The following VWA3B variants were observed in gnomAD, a reference collection of about 807,000 sequenced individuals.
The protein encoded by VWA3B is von Willebrand factor A domain containing 3B.
VWA3B carries 138 observed loss-of-function variants against 158.3 expected under a neutral mutation model. The ratio of observed to expected loss-of-function variants is 0.87; its 90% CI spans 0.76 to 1.00. The LOEUF (loss-of-function observed/expected upper bound fraction) is 1.00. VWA3B is among the 50% of genes least tolerant of loss of function. The pLI is 0.00. For missense variants in VWA3B, 1,555 were observed against 1,565.1 expected, an observed-to-expected ratio of 0.99 and a Z score of 0.11; for synonymous variants, 596 against 587.3, an observed-to-expected ratio of 1.01 and a Z score of -0.21.
intron 12 of VWA3B, among the ~76,000 whole-genome samples, chr2:98,208,241 A>G (rs554376304): frequency 9.2e-5 from 14 of 152,178 alleles, no homozygotes; most frequent in Middle Eastern, 3.4e-3. Flanking sequence ...CCTTTAACCT[A>G]TCTACGTTGT....
intron 26 of VWA3B, among the ~76,000 whole-genome samples, chr2:98,307,443 T>C (rs1484858367): frequency 6.6e-6 from 1 of 152,238 alleles, no homozygotes; most frequent in East Asian, 1.9e-4. Flanking sequence ...TGGGGAATGC[T>C]GAGAAAGGTA....
rs138805837 is a variant in VWA3B, at chr2:98,190,105, T to G, written c.1466+1976T>G. Reference sequence around the variant, plus strand: ...ATCTAAGATTTTGCTATTTGTTTTCTGTTCCCTTTTTACTGGTTTTTTGCC... The same window carrying G: ...ATCTAAGATTTTGCTATTTGTTTTCGGTTCCCTTTTTACTGGTTTTTTGCC... On this transcript the variant is annotated intron_variant, in intron 10 of 27. Transcript: ENST00000477737. Among the ~76,000 whole-genome samples the G allele has an allele frequency of 2.0e-5, 3 of 152,316 alleles. No homozygotes were observed. The East Asian group carries it at 5.8e-4, about 29-fold the overall frequency.
chr2:98,090,009 A>G (rs1313458129), intron 1 of VWA3B, among the ~76,000 whole-genome samples: 1 of 152,148 alleles, frequency 6.6e-6, no homozygotes, highest in African/African-American at 2.4e-5. Context: ...ACAAAATCTT[A>G]TTAGGGCAGT....
In VWA3B at chr2:98,181,121, A is replaced by G; in HGVS notation, c.1220A>G (p.Tyr407Cys). 6.2e-7 allele frequency: 1 copy of G among 1,614,198 alleles called. No homozygotes were observed. Among genetic ancestry groups the G allele is most frequent in the Non-Finnish European group, 8.5e-7 (1 of 1,180,050 alleles). The change falls in exon 9 of 28, where the codon TAT becomes TGT. Residue 407 changes from tyrosine to cysteine, a missense_variant. Tyr to Cys is a radical substitution (Grantham distance 194). Coordinates refer to ENST00000477737, the MANE Select transcript of VWA3B (RefSeq NM_144992.5). ...TTGAAGGCCCAGAAGCTATCCTTGT[A>G]TGATGTGCTTGCCGACTGCTCTTTC... ...YGLKAQKLSLYDVLADCSFRH... is the reference protein window; with the variant it reads ...YGLKAQKLSLCDVLADCSFRH...
chr2:98,170,411 A>G (rs895146828), intron 8 of VWA3B, among the ~76,000 whole-genome samples: 3 of 152,226 alleles, frequency 2.0e-5, no homozygotes, highest in Non-Finnish European at 2.9e-5. Context: ...TCAAAAGACA[A>G]GGAAATGGCT....
chr2:98,272,570 G>A (rs1253450764), intron 22 of VWA3B, among the ~76,000 whole-genome samples: 2 of 152,096 alleles, frequency 1.3e-5, no homozygotes, highest in African/African-American at 2.4e-5. Flanking sequence ...TGGAGGTTGG[G>A]GGTTGGCGCT....
chr2:98,208,069 G>C (rs1438165201), intron 12 of VWA3B, among the ~76,000 whole-genome samples: 1 of 151,582 alleles, frequency 6.6e-6, no homozygotes, highest in Non-Finnish European at 1.5e-5. Context: ...CACATTTAGG[G>C]TCATTGTCTT....
chr2:98,282,667 G>C (rs550252388), intron 22 of VWA3B, among the ~76,000 whole-genome samples: 1 of 152,094 alleles, frequency 6.6e-6, no homozygotes, highest in South Asian at 2.1e-4. Flanking sequence ...TCAAACTCCT[G>C]GCCTCAAGGG....
At chr2:98,149,073 T>C (rs1052503094) in intron 7 of VWA3B, among the ~76,000 whole-genome samples, 1 of 152,246 alleles carries the variant, frequency 6.6e-6, no homozygotes, top group African/African-American at 2.4e-5. Context: ...TTTTGGGTTT[T>C]GCTCCAAATA....
At chr2:98,154,117 C>T (rs892901055) in intron 7 of VWA3B, among the ~76,000 whole-genome samples, 1 of 152,196 alleles carries the variant, frequency 6.6e-6, no homozygotes, top group African/African-American at 2.4e-5. Flanking sequence ...CAGCCTCGGC[C>T]TCCCAAAGTG....
chr2:98,182,189 C>T (rs998341048), intron 9 of VWA3B, among the ~76,000 whole-genome samples: 1 of 152,212 alleles, frequency 6.6e-6, no homozygotes, highest in Non-Finnish European at 1.5e-5. Context: ...AAGGCCCCCC[C>T]CTCAAATGCA....
the VWA3B span, among the ~76,000 whole-genome samples, chr2:98,323,010 A>G: frequency 2.6e-5 from 4 of 152,224 alleles, no homozygotes; most frequent in Non-Finnish European, 5.9e-5. Context: ...AAAACCCTTA[A>G]GAACACAACA....
At chr2:98,243,726 T>C (rs964453067) in intron 19 of VWA3B, among the ~76,000 whole-genome samples, 14 of 152,232 alleles carry the variant, frequency 9.2e-5, no homozygotes, top group African/African-American at 3.1e-4. Context: ...TTTTGTTCTA[T>C]GGAGCCTGCA....
intron 9 of VWA3B, among the ~76,000 whole-genome samples, chr2:98,181,925 G>T (rs183248323): frequency 1.3e-5 from 2 of 152,236 alleles, no homozygotes; most frequent in South Asian, 2.1e-4. Flanking sequence ...AAGCAGAGAG[G>T]TGTAGAACAG....
chr2:98,318,266 T>C (rs879176720), downstream of VWA3B, among the ~76,000 whole-genome samples: 2 of 152,158 alleles, frequency 1.3e-5, no homozygotes, highest in Non-Finnish European at 2.9e-5. Flanking sequence ...AATACACATG[T>C]ATGTGTATGT....
Position 98,128,294 on chromosome 2 carries a change from T to A in VWA3B, c.758T>A (p.Leu253His). ...GATGTTCCTGAAGAATCCAAGGAGC[T>A]TCTCCTCCAGAGGGCCTTGGAGATC... The part of the protein sequence containing the change: ...VGDVPEESKE[L>H]LLQRALEIPC... Residue 253 changes from leucine to histidine, a missense_variant, in exon 6 of 28, where the codon CTT becomes CAT. Physicochemically the swap from Leu to His is moderately conservative, Grantham distance 99. Coordinates refer to ENST00000477737, the MANE Select transcript of VWA3B (RefSeq NM_144992.5). The A allele has an allele frequency of 6.2e-7, 1 of 1,614,160 alleles. No homozygotes were observed. Among genetic ancestry groups the A allele is most frequent in the East Asian group, 2.2e-5 (1 of 44,888 alleles).
intron 8 of VWA3B, 72 bp downstream of exon 8, chr2:98,163,048 C>T: frequency 6.3e-7 from 1 of 1,586,900 alleles, no homozygotes; most frequent in Non-Finnish European, 8.6e-7. Context: ...GGGCTGCTTC[C>T]ATGTTCCTGA....
At chr2:98,211,459 G>C (rs2105546148) in intron 12 of VWA3B, among the ~76,000 whole-genome samples, 1 of 152,306 alleles carries the variant, frequency 6.6e-6, no homozygotes, top group East Asian at 1.9e-4. Context: ...AACAGAACTT[G>C]TCAGGTAATG....
chr2:98,272,195 G>A (rs2105891687), intron 22 of VWA3B, among the ~76,000 whole-genome samples: 1 of 152,346 alleles, frequency 6.6e-6, no homozygotes, highest in Non-Finnish European at 1.5e-5. Flanking sequence ...TGGGCCTCCA[G>A]AACTTCTGAC....
Sources: gnomAD v4.1 joint callset for allele counts (sites outside exome capture counted in the v4.1 genomes callset) on GRCh38, gnomAD v4.1.1 for gene constraint, MANE v1.5 for transcripts, NCBI Gene and HGNC (gene_info 2026-07-23, HGNC 2026-07-21) for gene names.